SASH1: variants seen among roughly 807,000 people sequenced by gnomAD.
SASH1 encodes SAM and SH3 domain-containing protein 1.
A neutral mutation model predicts 125.2 loss-of-function variants in SASH1; 44 were observed. The ratio of observed to expected loss-of-function variants is 0.35; its 90% CI spans 0.28 to 0.45. The LOEUF (loss-of-function observed/expected upper bound fraction) is 0.45. SASH1 is among the 20% of genes least tolerant of loss of function. The probability of loss-of-function intolerance (pLI) is 1.00; values close to 1 mark genes in which losing one functional copy is unlikely to be tolerated. For missense variants in SASH1, 1,426 were observed against 1,614.5 expected, an observed-to-expected ratio of 0.88 and a Z score of 2.00; for synonymous variants, 639 against 649.1, an observed-to-expected ratio of 0.98 and a Z score of 0.24.
At chr6:148,349,905 G>A (rs1041697032) in intron 1 of SASH1, among the ~76,000 whole-genome samples, 2 of 151,634 alleles carry the variant, frequency 1.3e-5, no homozygotes, top group Non-Finnish European at 2.9e-5. Context: ...GAGTACAGTG[G>A]TGTGATCTCG....
intron 5 of SASH1, among the ~76,000 whole-genome samples, chr6:148,470,186 A>G (rs1019652900): frequency 1.3e-5 from 2 of 152,238 alleles, no homozygotes; most frequent in African/African-American, 4.8e-5. Flanking sequence ...GCAGTGGGTG[A>G]TACAAAACTT....
At chr6:148,399,095 A>G (rs1198764438) in intron 2 of SASH1, among the ~76,000 whole-genome samples, 3 of 150,300 alleles carry the variant, frequency 2.0e-5, no homozygotes, top group Non-Finnish European at 4.5e-5. Flanking sequence ...TAGGCACTAG[A>G]CACCTTTGCA....
At chr6:148,521,566 A>G (rs35990050) in intron 10 of SASH1, among the ~76,000 whole-genome samples, 2,385 of 152,258 alleles carry the variant, frequency 0.016, 29 homozygotes, top group Non-Finnish European at 0.024. Flanking sequence ...TTTCATATTC[A>G]TGTAATTCTT....
In SASH1 at chr6:148,322,865, A is replaced by ACCTTTCTTTCTTTCTC. The variant is rs1554234510; in HGVS notation, n.74+50488_74+50489insCCTTTCTTTCTTTCTC. ...TCATCCGTGACCACCCATCCAAATCATCTTTCTTTCTTTCTTTCTTTTTCT... is the reference window on the plus strand; with the variant it reads ...TCATCCGTGACCACCCATCCAAATCACCTTTCTTTCTTTCTCTCTTTCTTTCTTTCTTTCTTTTTCT... On this transcript the variant is annotated intron_variant and non_coding_transcript_variant, in intron 1 of 3. Coordinates refer to the SASH1 transcript ENST00000367469. 1.4e-5 allele frequency among the ~76,000 whole-genome samples: 2 copies of ACCTTTCTTTCTTTCTC among 143,126 alleles called. 1 individual carries two copies. 93.9% of individuals were successfully genotyped at this position (143,126 alleles called of 152,430 possible).
chr6:148,461,423 G>A (rs559743629), intron 4 of SASH1, among the ~76,000 whole-genome samples: 8 of 152,300 alleles, frequency 5.3e-5, no homozygotes, highest in African/African-American at 1.9e-4. Flanking sequence ...CATTGATATT[G>A]ATTATTCCTG....
At chr6:148,526,958 C>T (rs995777277) in intron 11 of SASH1, among the ~76,000 whole-genome samples, 5 of 151,880 alleles carry the variant, frequency 3.3e-5, no homozygotes, top group Admixed American at 1.3e-4. Flanking sequence ...CTGCAAGCTC[C>T]ACCTCCCGGA....
At chr6:148,397,271 A>C (rs1783994891) in intron 2 of SASH1, among the ~76,000 whole-genome samples, 1 of 152,102 alleles carries the variant, frequency 6.6e-6, no homozygotes, top group Non-Finnish European at 1.5e-5. Context: ...ACCTGAGGTC[A>C]GGAGTTTGAA....
At chr6:148,434,859 G>T (rs950295527) in intron 2 of SASH1, among the ~76,000 whole-genome samples, 1 of 152,064 alleles carries the variant, frequency 6.6e-6, no homozygotes, top group Non-Finnish European at 1.5e-5. Flanking sequence ...TAAATTCTGC[G>T]TAGAATATGC....
At chr6:148,312,105 G>A (rs1272430200) in intron 1 of SASH1, among the ~76,000 whole-genome samples, 1 of 152,200 alleles carries the variant, frequency 6.6e-6, no homozygotes, top group Non-Finnish European at 1.5e-5. Context: ...AGTAAGGATA[G>A]AAATCAGATC....
intron 8 of SASH1, among the ~76,000 whole-genome samples, chr6:148,498,563 T>C (rs1172331046): frequency 1.3e-5 from 2 of 152,218 alleles, no homozygotes; most frequent in African/African-American, 4.8e-5. Flanking sequence ...TTTCATTTGG[T>C]TGAACCTTGT....
chr6:148,509,945 T>C (rs980130430), intron 8 of SASH1, among the ~76,000 whole-genome samples: 1 of 152,224 alleles, frequency 6.6e-6, no homozygotes, highest in East Asian at 1.9e-4. Context: ...GGAAGGAGGC[T>C]CCACCCTCCT....
At chr6:148,250,567 A>G in the SASH1 span, among the ~76,000 whole-genome samples, 1 of 59,452 alleles carries the variant, frequency 1.7e-5, no homozygotes, top group Non-Finnish European at 3.5e-5. Context: ...AAAAAGCCTT[A>G]GTCTTAAAAA....
At chr6:148,369,725 G>A (rs565879348) in intron 1 of SASH1, among the ~76,000 whole-genome samples, 1 of 152,202 alleles carries the variant, frequency 6.6e-6, no homozygotes, top group East Asian at 1.9e-4. Flanking sequence ...AGGCCAAGAC[G>A]GGTGGATCAT....
At chr6:148,310,128 C>T (rs1291809880) in intron 1 of SASH1, among the ~76,000 whole-genome samples, 2 of 152,074 alleles carry the variant, frequency 1.3e-5, no homozygotes, top group Non-Finnish European at 2.9e-5. Flanking sequence ...TTGAGACCAG[C>T]CTGGCTAACG....
intron 2 of SASH1, among the ~76,000 whole-genome samples, chr6:148,404,081 C>A (rs1215011482): frequency 4.6e-5 from 7 of 152,140 alleles, no homozygotes; most frequent in Admixed American, 1.3e-4. Flanking sequence ...GAATGAATGA[C>A]AATAGCTGTG....
At position 148,276,589 on chromosome 6, in the gene SASH1, GA is replaced by G. The variant is rs1220058376; in HGVS notation, n.74+4216del. Among the ~76,000 whole-genome samples the G allele has an allele frequency of 8.5e-5, 13 of 152,318 alleles. No individual in the cohort carries two copies. In the East Asian group the frequency reaches 1.7e-3, roughly 20 times the overall value. The stretch of plus-strand genomic sequence containing the variant: ...AGAGGGAACAAAGTATATGCAAAGG[GA>G]AAAGGGAGCGGATGATGAGAAAGCT... On this transcript the variant is annotated intron_variant and non_coding_transcript_variant, in intron 1 of 3. Coordinates refer to the SASH1 transcript ENST00000367469.
intron 19 of SASH1, among the ~76,000 whole-genome samples, chr6:148,547,205 A>G (rs1583344209): frequency 6.6e-6 from 1 of 152,200 alleles, no homozygotes; most frequent in South Asian, 2.1e-4. Flanking sequence ...CTTGGGGGCC[A>G]TTGTAAGGTC....
chr6:148,322,730 C>G (rs1429773528), intron 1 of SASH1, among the ~76,000 whole-genome samples: 1 of 152,204 alleles, frequency 6.6e-6, no homozygotes, highest in Non-Finnish European at 1.5e-5. Context: ...CTTCTAGAAC[C>G]AGTCTCTCTC....
the SASH1 span, among the ~76,000 whole-genome samples, chr6:148,196,830 A>C: frequency 6.6e-5 from 10 of 152,338 alleles, no homozygotes; most frequent in African/African-American, 2.4e-4. Context: ...TGTGAGGCCC[A>C]GAAGAGTCAA....
Sources: gnomAD v4.1 joint callset for allele counts (sites outside exome capture counted in the v4.1 genomes callset) on GRCh38, gnomAD v4.1.1 for gene constraint, MANE v1.5 for transcripts, NCBI Gene and HGNC (gene_info 2026-07-23, HGNC 2026-07-21) for gene names.